Variants in CCDC88C observed in about 807,000 individuals in gnomAD.
The protein encoded by CCDC88C is protein Daple.
In CCDC88C, 131 loss-of-function variants were observed where a neutral mutation model predicts 198.8. That is an observed-to-expected ratio of 0.66 (90% CI 0.57 to 0.76). The LOEUF (loss-of-function observed/expected upper bound fraction) is 0.76, where lower values mean the gene tolerates loss of function less well. Among genes scored for constraint, CCDC88C ranks in the 30% least tolerant of loss-of-function variants. CCDC88C has a pLI of 0.00. For missense variants in CCDC88C, 2,553 were observed against 2,631.6 expected (o/e 0.97, Z 0.65); for synonymous variants, 1,166 against 1,114.7 (o/e 1.05, Z -0.92).
intron 3 of CCDC88C, among the ~76,000 whole-genome samples, chr14:91,392,757 C>G (rs746103007): frequency 6.6e-6 from 1 of 151,418 alleles, no homozygotes; most frequent in Non-Finnish European, 1.5e-5. Context: ...ACGCCCCTCA[C>G]TCTCACCGCG....
At chr14:91,289,761 G>A (rs1043642746) in intron 24 of CCDC88C, among the ~76,000 whole-genome samples, 1 of 152,154 alleles carries the variant, frequency 6.6e-6, no homozygotes, top group African/African-American at 2.4e-5. Context: ...GAGGTGGAGA[G>A]GGCAGAGGAG....
intron 3 of CCDC88C, among the ~76,000 whole-genome samples, chr14:91,406,133 G>T (rs779750753): frequency 6.6e-6 from 1 of 152,196 alleles, no homozygotes; most frequent in Non-Finnish European, 1.5e-5. Flanking sequence ...AGTACCCCAA[G>T]AACAGCAAAC....
rs78570354 is a variant in CCDC88C, at chr14:91,289,171, C to A, written c.4375G>T (p.Asp1459Tyr). The A allele has an allele frequency of 2.5e-6, 4 of 1,613,672 alleles. No homozygotes were observed. The African/African-American group carries it at 4.0e-5, about 16-fold the overall frequency. Residue 1459 changes from aspartate to tyrosine, a missense_variant, in exon 25 of 30, where the codon GAC becomes TAC. Asp to Tyr is a radical substitution (Grantham distance 160). Coordinates refer to ENST00000389857, the MANE Select transcript of CCDC88C (RefSeq NM_001080414.4). ...QPLRSQAENP[D>Y]TPALGSNCAE... is the part of the protein sequence containing the mutation. The stretch of plus-strand genomic sequence containing the variant: ...CAGTTGGAGCCCAGTGCGGGGGTGT[C>A]GGGGTTCTCGGCCTGTGATCTGAGC...
chr14:91,359,432 C>T (rs974448000), intron 4 of CCDC88C, among the ~76,000 whole-genome samples: 2 of 152,126 alleles, frequency 1.3e-5, no homozygotes, highest in Non-Finnish European at 1.5e-5. Context: ...CCACCGCGCC[C>T]GGCCTGGGAG....
intron 10 of CCDC88C, among the ~76,000 whole-genome samples, chr14:91,333,514 T>C (rs137986611): frequency 1.2e-3 from 180 of 152,328 alleles, no homozygotes; most frequent in African/African-American, 4.0e-3. Context: ...GCATGACATA[T>C]ACTGCATGCT....
At chr14:91,372,498 C>T (rs1596125394) in intron 3 of CCDC88C, among the ~76,000 whole-genome samples, 6 of 108,862 alleles carry the variant, frequency 5.5e-5, no homozygotes, top group African/African-American at 2.3e-4. Flanking sequence ...GAACAAGGAG[C>T]AGGTGACATC....
In CCDC88C at chr14:91,273,186, GCTGC is replaced by G. The variant is rs1440642205; in HGVS notation, c.5522_5525del (p.Gly1841AlafsTer223). The G allele has an allele frequency of 6.3e-7, 1 of 1,577,390 alleles. No individual in the cohort carries two copies. The highest frequency in any genetic ancestry group is 1.8e-5 in the Admixed American group (1 of 54,782). On this transcript the variant is annotated frameshift_variant, in exon 30 of 30. Coordinates refer to ENST00000389857, the MANE Select transcript of CCDC88C (RefSeq NM_001080414.4). LOFTEE classifies it low-confidence loss of function (END_TRUNC). The surrounding 1 kb of genome is among the most constrained non-coding windows in gnomAD (Gnocchi z 5.6). ...GGGGTGCGGGGCTTTGCAGGGTGTG[GCTGC>G]CTGTCTCTCTGCCCCCTAAGGCCTC...
In CCDC88C at chr14:91,284,326, T is replaced by C; in HGVS notation, c.4442-809A>G. Among the ~76,000 whole-genome samples, 1 of 152,208 alleles carries C rather than the reference T, an allele frequency of 6.6e-6. No individual in the cohort carries two copies. On this transcript the variant is annotated intron_variant, in intron 25 of 29. Coordinates refer to ENST00000389857, the MANE Select transcript of CCDC88C (RefSeq NM_001080414.4). The surrounding 1 kb of genome is among the most constrained non-coding windows in gnomAD (Gnocchi z 4.1). ...TTCGGCTTCTCCACCCATCAAGCCGTCTGCCCTCCCAGCCACTCAAAGTCT... is the reference window on the plus strand; with the variant it reads ...TTCGGCTTCTCCACCCATCAAGCCGCCTGCCCTCCCAGCCACTCAAAGTCT...
intron 3 of CCDC88C, among the ~76,000 whole-genome samples, chr14:91,388,794 T>C (rs1395871627): frequency 6.6e-6 from 1 of 152,178 alleles, no homozygotes; most frequent in Non-Finnish European, 1.5e-5. Flanking sequence ...CTTCTCCCTT[T>C]GGGGCTGGTG....
chr14:91,417,222 G>C (rs776905906), intron 1 of CCDC88C: 3 of 702,848 alleles, frequency 4.3e-6, no homozygotes, highest in Admixed American at 4.0e-5. Flanking sequence ...GCCATCCACC[G>C]GCTGGTCTCA....
chr14:91,415,182 C>CT (rs1287787143), intron 2 of CCDC88C, among the ~76,000 whole-genome samples: 1 of 152,058 alleles, frequency 6.6e-6, no homozygotes, highest in Non-Finnish European at 1.5e-5. Flanking sequence ...TTTTCAGGGT[C>CT]TAACAGAATG....
At chr14:91,415,989 G>A (rs115081919) in intron 2 of CCDC88C, among the ~76,000 whole-genome samples, 8 of 152,226 alleles carry the variant, frequency 5.3e-5, no homozygotes, top group African/African-American at 1.9e-4. Flanking sequence ...GAATCATCCC[G>A]ACACTCAGTT....
intron 20 of CCDC88C, among the ~76,000 whole-genome samples, chr14:91,301,562 CA>C (rs1891285092): frequency 6.6e-6 from 1 of 152,116 alleles, no homozygotes; most frequent in Non-Finnish European, 1.5e-5. Context: ...CTAAAAAATA[CA>C]AAAATTAGCC....
chr14:91,370,609 C>T (rs17127285), intron 3 of CCDC88C, among the ~76,000 whole-genome samples: 7,326 of 152,276 alleles, frequency 0.048, 504 homozygotes, highest in African/African-American at 0.15. Flanking sequence ...GAACCTCTGC[C>T]CATAAACAGT....
intron 2 of CCDC88C, among the ~76,000 whole-genome samples, chr14:91,414,548 G>C (rs1295748410): frequency 2.6e-5 from 4 of 152,284 alleles, no homozygotes; most frequent in Non-Finnish European, 4.4e-5. Flanking sequence ...GTTCCCCCGG[G>C]TCCTTTCCAG....
intron 13 of CCDC88C, among the ~76,000 whole-genome samples, chr14:91,320,901 C>T (rs538306637): frequency 1.3e-5 from 2 of 152,188 alleles, no homozygotes; most frequent in South Asian, 2.1e-4. Context: ...CTAATGGCAG[C>T]GAAGCAGGGA....
intron 2 of CCDC88C, 130 bp downstream of exon 2, chr14:91,416,608 C>T (rs1239222479): frequency 2.8e-6 from 2 of 711,474 alleles, no homozygotes; most frequent in Non-Finnish European, 5.0e-6. Context: ...ACTGAGATAC[C>T]AGCGTCTCCA....
intron 10 of CCDC88C, among the ~76,000 whole-genome samples, chr14:91,328,202 T>C (rs577215481): frequency 6.6e-6 from 1 of 152,348 alleles, no homozygotes; most frequent in South Asian, 2.1e-4. Flanking sequence ...GAGTGGGAGA[T>C]GGCATGGAAC....
chr14:91,331,387 A>G (rs931114695), intron 10 of CCDC88C, among the ~76,000 whole-genome samples: 5 of 152,172 alleles, frequency 3.3e-5, no homozygotes, highest in Non-Finnish European at 7.4e-5. Context: ...GCCTGGGGCC[A>G]GAGGAGGGTG....
Sources: gnomAD v4.1 joint callset for allele counts (sites outside exome capture counted in the v4.1 genomes callset) on GRCh38, gnomAD v4.1.1 for gene constraint, Gnocchi (gnomAD v3.1) non-coding constraint, MANE v1.5 for transcripts, NCBI Gene and HGNC (gene_info 2026-07-23, HGNC 2026-07-21) for gene names.